JAK2: variants seen among roughly 807,000 people sequenced by gnomAD.
The protein encoded by JAK2 is Janus kinase 2, also known as tyrosine-protein kinase JAK2.
A neutral mutation model predicts 139.3 loss-of-function variants in JAK2; 86 were observed. The ratio of observed to expected loss-of-function variants is 0.62; its 90% CI spans 0.52 to 0.74. The LOEUF (loss-of-function observed/expected upper bound fraction) is 0.74. Ranked by LOEUF, JAK2 falls within the 30% of genes least tolerant of loss-of-function variation. The pLI is 0.00. For missense variants in JAK2, 1,421 were observed against 1,360.3 expected, an observed-to-expected ratio of 1.04 and a Z score of -0.70; for synonymous variants, 490 against 437.7, an observed-to-expected ratio of 1.12 and a Z score of -1.49.
At chr9:5,074,593 C>A (rs1042126948) in intron 14 of JAK2, among the ~76,000 whole-genome samples, 3 of 152,214 alleles carry the variant, frequency 2.0e-5, no homozygotes, top group African/African-American at 7.2e-5. Flanking sequence ...TGTGCTCTGA[C>A]TGCTCCATCA....
At position 5,041,981 on chromosome 9, in the gene JAK2, T is replaced by C. The variant is rs1221588835; in HGVS notation, c.351-2422T>C. The C allele has an allele frequency of 4.9e-5, 18 of 366,200 alleles. No individual in the cohort carries two copies. In the East Asian group the frequency reaches 1.3e-3, roughly 26 times the overall value. 22.7% of individuals were successfully genotyped at this position (366,200 alleles called of 1,614,324 possible). A position where few individuals can be genotyped will look rare whatever the true frequency, so the allele number is the denominator to read the frequency against. On this transcript the variant is annotated intron_variant, in intron 4 of 24. Coordinates refer to ENST00000381652, the MANE Select transcript of JAK2 (RefSeq NM_004972.4). ...CGTGCGGCCCCTTGGGGAGCGAGCT[T>C]GTGTGAGGGCCTTGGGGCCCACCCA...
Position 5,080,285 on chromosome 9 carries a change from T to G in JAK2, c.2188T>G (p.Leu730Val), listed in dbSNP as rs777579876. Residue 730 changes from leucine to valine, a missense_variant, in exon 17 of 25, where the codon TTA (leucine) becomes GTA (valine). Leu to Val is a conservative substitution (Grantham distance 32). Transcript: ENST00000381652. ...TGAATGCATTGAAAATCCTAAAAAT[T>G]TAAATTTGGCAACAGACAAATGGAG... Reference protein sequence around the residue: ...PPECIENPKNLNLATDKWSFG... With the variant: ...PPECIENPKNVNLATDKWSFG... 1.2e-6 allele frequency: 2 copies of G among 1,613,744 alleles called. No individual in the cohort carries two copies. Among genetic ancestry groups the G allele is most frequent in the South Asian group, 2.2e-5 (2 of 91,056 alleles).
At chr9:4,992,610 C>T (rs1310721097) in intron 2 of JAK2, among the ~76,000 whole-genome samples, 1 of 152,166 alleles carries the variant, frequency 6.6e-6, no homozygotes, top group Non-Finnish European at 1.5e-5. Context: ...CCCATCATGA[C>T]AGTAACTCAG....
intron 3 of JAK2, among the ~76,000 whole-genome samples, chr9:5,024,533 T>C (rs1822651574): frequency 6.6e-6 from 1 of 152,104 alleles, no homozygotes; most frequent in African/African-American, 2.4e-5. Flanking sequence ...GGGTCTTTTC[T>C]TCTAAGTTCT....
intron 22 of JAK2, among the ~76,000 whole-genome samples, chr9:5,103,788 G>A (rs184095541): frequency 6.6e-6 from 1 of 152,252 alleles, no homozygotes; most frequent in East Asian, 1.9e-4. Context: ...CAACTTCATG[G>A]AAATTGAACA....
intron 2 of JAK2, among the ~76,000 whole-genome samples, chr9:5,010,875 C>T (rs534490353): frequency 4.6e-5 from 7 of 152,232 alleles, no homozygotes; most frequent in Middle Eastern, 3.4e-3. Context: ...TATAATACAA[C>T]AGATCCAGTA....
chr9:4,984,448 C>T (rs992066996), upstream of JAK2: 3 of 152,300 alleles, frequency 2.0e-5, no homozygotes, highest in African/African-American at 7.2e-5. Flanking sequence ...CTAGGAGAAA[C>T]ATTCGCTAGG....
intron 24 of JAK2, 112 bp from the exon 25 acceptor site, chr9:5,126,572 T>C (rs775653372): frequency 2.1e-6 from 2 of 935,732 alleles, no homozygotes; most frequent in Non-Finnish European, 3.3e-6. Context: ...CAGATGACTG[T>C]GGAACAAGGC....
At chr9:4,989,134 C>T (rs1200929669) in intron 2 of JAK2, among the ~76,000 whole-genome samples, 2 of 152,166 alleles carry the variant, frequency 1.3e-5, no homozygotes, top group South Asian at 4.1e-4. Context: ...ATTAAATTTT[C>T]CTGACTTTTA....
intron 2 of JAK2, among the ~76,000 whole-genome samples, chr9:5,004,632 A>C (rs1821153039): frequency 6.6e-6 from 1 of 152,148 alleles, no homozygotes; most frequent in Non-Finnish European, 1.5e-5. Context: ...TATTATTTTT[A>C]GTTCCAATAC....
At chr9:5,070,753 C>G (rs1383697589) in intron 12 of JAK2, among the ~76,000 whole-genome samples, 2 of 151,908 alleles carry the variant, frequency 1.3e-5, no homozygotes, top group African/African-American at 4.8e-5. Context: ...CTGTGCAGTC[C>G]AAACCCATGC....
chr9:4,989,359 C>A (rs545339624), intron 2 of JAK2, among the ~76,000 whole-genome samples: 2 of 151,828 alleles, frequency 1.3e-5, no homozygotes, highest in African/African-American at 4.8e-5. Flanking sequence ...AATTATATGC[C>A]ATGCTTTAGT....
intron 22 of JAK2, chr9:5,112,889 C>A: frequency 1.1e-5 from 4 of 376,554 alleles, no homozygotes; most frequent in Non-Finnish European, 1.8e-5. Context: ...GCCCTCAGCC[C>A]CGTGGGCTGG....
intron 2 of JAK2, among the ~76,000 whole-genome samples, chr9:5,005,528 G>A (rs1394174235): frequency 2.0e-5 from 3 of 152,030 alleles, no homozygotes; most frequent in African/African-American, 7.2e-5. Context: ...TGGTCAAGAT[G>A]TATTCTTTTA....
intron 5 of JAK2, among the ~76,000 whole-genome samples, chr9:5,049,791 T>G (rs1817285910): frequency 6.6e-6 from 1 of 152,250 alleles, no homozygotes; most frequent in Admixed American, 6.5e-5. Flanking sequence ...TGTTATAGCC[T>G]AGTATATGCC....
intron 22 of JAK2, chr9:5,101,034 CA>C (rs1338900615): frequency 6.6e-6 from 1 of 152,232 alleles, no homozygotes; most frequent in Non-Finnish European, 1.5e-5. Context: ...ACTGGTTGGA[CA>C]GGGGGTGCAG....
intron 22 of JAK2, chr9:5,108,492 T>A (rs1448202930): frequency 6.6e-6 from 1 of 152,082 alleles, no homozygotes; most frequent in African/African-American, 2.4e-5. Context: ...AGCCTCCTTA[T>A]CCAATAATCT....
intron 22 of JAK2, chr9:5,109,873 T>A (rs1468301781): frequency 6.6e-6 from 1 of 152,172 alleles, no homozygotes; most frequent in Non-Finnish European, 1.5e-5. Flanking sequence ...ACCAACAAAC[T>A]CTTTCAACTC....
intron 4 of JAK2, chr9:5,041,019 C>A: frequency 1.5e-6 from 1 of 667,090 alleles, no homozygotes; most frequent in Non-Finnish European, 2.8e-6. Flanking sequence ...CGCAGCTGCA[C>A]CTGGGTACCG....
Sources: allele counts gnomAD v4.1 joint callset (sites outside exome capture counted in the v4.1 genomes callset), GRCh38; gene constraint gnomAD v4.1.1; transcripts MANE v1.5; gene names NCBI Gene and HGNC (gene_info 2026-07-23, HGNC 2026-07-21).